The following PIK3C2G variants were observed in gnomAD, a reference collection of about 807,000 sequenced individuals.
The protein encoded by PIK3C2G is phosphatidylinositol 3-kinase C2 domain-containing subunit gamma.
A neutral mutation model predicts 181.1 loss-of-function variants in PIK3C2G; 168 were observed. The ratio of observed to expected loss-of-function variants is 0.93; its 90% confidence interval spans 0.82 to 1.05. The LOEUF (loss-of-function observed/expected upper bound fraction) is 1.05. Ranked by LOEUF, PIK3C2G falls within the 50% of genes least tolerant of loss-of-function variation. The probability of loss-of-function intolerance (pLI) is 0.00; values close to 1 mark genes in which losing one functional copy is unlikely to be tolerated. For missense variants in PIK3C2G, 1,869 were observed against 1,732.8 expected (o/e 1.08, Z -1.40); for synonymous variants, 573 against 592.2 (o/e 0.97, Z 0.47).
intron 1 of PIK3C2G, among the ~76,000 whole-genome samples, chr12:18,263,333 T>C (rs1948332559): frequency 6.6e-6 from 1 of 152,128 alleles, no homozygotes; most frequent in Non-Finnish European, 1.5e-5. Context: ...CTTTGAATTA[T>C]ATTAAAATTA....
At chr12:18,572,833 G>T (rs986766830) in intron 29 of PIK3C2G, among the ~76,000 whole-genome samples, 4 of 149,654 alleles carry the variant, frequency 2.7e-5, no homozygotes, top group African/African-American at 1.0e-4. Flanking sequence ...ATAACTTCTG[G>T]GTTATTAATT....
chr12:18,454,555 T>TAG (rs1447989094), intron 18 of PIK3C2G, among the ~76,000 whole-genome samples: 2 of 152,116 alleles, frequency 1.3e-5, no homozygotes, highest in African/African-American at 4.8e-5. Flanking sequence ...TTTTGTAAGG[T>TAG]GGCTGAGTAT....
At chr12:18,667,380 G>A in the PIK3C2G span, among the ~76,000 whole-genome samples, 1 of 152,082 alleles carries the variant, frequency 6.6e-6, no homozygotes, top group African/African-American at 2.4e-5. Flanking sequence ...GGCACCTGGT[G>A]GGGCTAAAAT....
intron 29 of PIK3C2G, among the ~76,000 whole-genome samples, chr12:18,579,743 G>A (rs1008228820): frequency 1.3e-5 from 2 of 152,004 alleles, no homozygotes; most frequent in Non-Finnish European, 2.9e-5. Context: ...GTTCATTTAA[G>A]TTCATTCTTG....
At chr12:18,565,953 CCTAT>C (rs767219278) in intron 28 of PIK3C2G, among the ~76,000 whole-genome samples, 9 of 152,082 alleles carry the variant, frequency 5.9e-5, no homozygotes, top group Admixed American at 2.0e-4. Context: ...TCTCTACCTA[CCTAT>C]CTATCTATCT....
chr12:18,665,176 A>T, the PIK3C2G span, among the ~76,000 whole-genome samples: 1 of 150,268 alleles, frequency 6.7e-6, no homozygotes, highest in Non-Finnish European at 1.5e-5. Context: ...AAAATAAAAA[A>T]AAATTAAAAA....
Position 18,346,729 on chromosome 12 carries a change from G to T in PIK3C2G, c.1518G>T (p.Gln506His). The T allele has an allele frequency of 6.2e-7, 1 of 1,613,408 alleles. No homozygotes were observed. The highest frequency in any genetic ancestry group is 8.5e-7 in the Non-Finnish European group (1 of 1,179,504). The change falls in exon 11 of 33, where the codon CAG becomes CAT. Residue 506 changes from glutamine to histidine, a missense_variant. By Grantham distance (24) the Gln-to-His change is conservative (BLOSUM62 0). Transcript: ENST00000538779. ...VYCNSFYADF[Q>H]PVNVPRCTSY... Reference sequence around the variant, plus strand: ...GTAACAGCTTTTATGCAGATTTTCAGCCTGTAAATGTACCTAGATGCACTT... The same window carrying T: ...GTAACAGCTTTTATGCAGATTTTCATCCTGTAAATGTACCTAGATGCACTT...
In PIK3C2G at chr12:18,505,375, T is replaced by C. The variant is rs1394859173; in HGVS notation, c.3237T>C (p.Asn1079=). The C allele has an allele frequency of 1.2e-6, 2 of 1,613,468 alleles. No homozygotes were observed. Among genetic ancestry groups the C allele is most frequent in the African/African-American group, 1.3e-5 (1 of 75,032 alleles). ...GAGTATGTGACCGTCACAATGATAATATCATGCTGACAAAGTCGGGCCACA... is the reference window on the plus strand; with the variant it reads ...GAGTATGTGACCGTCACAATGATAACATCATGCTGACAAAGTCGGGCCACA... ...ILGVCDRHND[N]IMLTKSGHMF... is the part of the protein sequence containing the mutation. The change falls in exon 24 of 33, where the codon AAT becomes AAC. Residue 1079 remains asparagine (N), a synonymous_variant. Coordinates refer to ENST00000538779, the MANE Select transcript of PIK3C2G (RefSeq NM_001288772.2).
At chr12:18,454,260 C>T (rs1441190668) in intron 18 of PIK3C2G, among the ~76,000 whole-genome samples, 1 of 152,062 alleles carries the variant, frequency 6.6e-6, no homozygotes, top group Non-Finnish European at 1.5e-5. Flanking sequence ...AAATAAGGGG[C>T]ATAAAATATT....
chr12:18,427,691 T>A (rs958971947), intron 18 of PIK3C2G, among the ~76,000 whole-genome samples: 1 of 152,066 alleles, frequency 6.6e-6, no homozygotes, highest in Non-Finnish European at 1.5e-5. Context: ...TAAATCAATG[T>A]CATACTTGCA....
chr12:18,430,401 A>G (rs11044105), intron 18 of PIK3C2G, among the ~76,000 whole-genome samples: 22,184 of 152,054 alleles, frequency 0.15, 1,756 homozygotes, highest in African/African-American at 0.2. Flanking sequence ...TCTCTTCAAA[A>G]TGTTCCTTTC....
chr12:18,299,069 T>C (rs1488833677), intron 5 of PIK3C2G, among the ~76,000 whole-genome samples: 1 of 152,006 alleles, frequency 6.6e-6, no homozygotes, highest in East Asian at 1.9e-4. Context: ...TGGATTCTTT[T>C]TCTATTTCTG....
chr12:18,264,987 C>T (rs188385743), intron 1 of PIK3C2G, among the ~76,000 whole-genome samples: 1 of 152,190 alleles, frequency 6.6e-6, no homozygotes, highest in Non-Finnish European at 1.5e-5. Flanking sequence ...TTTGAGAATT[C>T]TCTTTCTTAG....
chr12:18,432,286 A>T (rs1193975054), intron 18 of PIK3C2G, among the ~76,000 whole-genome samples: 1 of 152,138 alleles, frequency 6.6e-6, no homozygotes, highest in Non-Finnish European at 1.5e-5. Context: ...TTTTCCCTCA[A>T]AATCTTCTAT....
At chr12:18,590,843 G>A (rs1349574953) in intron 29 of PIK3C2G, among the ~76,000 whole-genome samples, 1 of 151,878 alleles carries the variant, frequency 6.6e-6, no homozygotes. Flanking sequence ...ACAATAAGAA[G>A]TTAGTATTTA....
chr12:18,685,567 A>G, the PIK3C2G span: 1 of 488,628 alleles, frequency 2.0e-6, no homozygotes, highest in East Asian at 5.6e-5. Flanking sequence ...ACAAGAGCAC[A>G]TTTACCACAT....
chr12:18,380,934 A>T (rs1942792016), intron 13 of PIK3C2G, among the ~76,000 whole-genome samples: 1 of 152,236 alleles, frequency 6.6e-6, no homozygotes, highest in African/African-American at 2.4e-5. Context: ...TATAAACTTA[A>T]ATTTAATTTT....
intron 9 of PIK3C2G, among the ~76,000 whole-genome samples, chr12:18,341,238 A>C (rs1939112123): frequency 1.3e-5 from 2 of 152,210 alleles, no homozygotes; most frequent in Admixed American, 1.3e-4. Context: ...TTTCAGAAAT[A>C]TCAAACTTAC....
chr12:18,307,678 T>C (rs1950475690), intron 5 of PIK3C2G, among the ~76,000 whole-genome samples: 1 of 151,916 alleles, frequency 6.6e-6, no homozygotes, highest in African/African-American at 2.4e-5. Context: ...CCCTTTTTGA[T>C]ATCTAGAACT....
Sources: allele counts gnomAD v4.1 joint callset (sites outside exome capture counted in the v4.1 genomes callset), GRCh38; gene constraint gnomAD v4.1.1; transcripts MANE v1.5; gene names NCBI Gene and HGNC (gene_info 2026-07-23, HGNC 2026-07-21).